Variants in TG observed in about 807,000 individuals in gnomAD.
TG encodes the protein thyroglobulin.
TG carries 270 observed loss-of-function variants against 324.7 expected under a neutral mutation model. The observed-to-expected ratio is 0.83, with a 90% CI of 0.75 to 0.92. The LOEUF is 0.92. Among genes scored for constraint, TG ranks in the 40% least tolerant of loss-of-function variants. The probability of loss-of-function intolerance (pLI) is 0.00; values close to 1 mark genes in which losing one functional copy is unlikely to be tolerated. For synonymous variants in TG, 1,401 were observed against 1,327.0 expected (o/e 1.06, Z -1.21); for missense variants, 3,591 against 3,456.4 (o/e 1.04, Z -0.98).
Position 133,021,987 on chromosome 8 carries a change from A to G in TG, c.6877-4A>G. 1.2e-6 allele frequency: 2 copies of G among 1,614,050 alleles called. No homozygotes were observed. Among genetic ancestry groups the G allele is most frequent in the East Asian group, 2.2e-5 (1 of 44,868 alleles). On this transcript the variant is annotated splice_region_variant and splice_polypyrimidine_tract_variant and intron_variant, in intron 39 of 47. Coordinates refer to ENST00000220616, the MANE Select transcript of TG (RefSeq NM_003235.5). Reference sequence around the variant, plus strand: ...TTAGCCTCATGTTTCTCCAATACCCACAGGCCCCTAACGCGTCTGTGCTGG... The same window carrying G: ...TTAGCCTCATGTTTCTCCAATACCCGCAGGCCCCTAACGCGTCTGTGCTGG...
At chr8:133,045,179 C>A (rs1039289156) in intron 41 of TG, 1 of 1,582,654 alleles carries the variant, frequency 6.3e-7, no homozygotes, top group Non-Finnish European at 8.6e-7. Context: ...ACCCAGCTAA[C>A]CAGCCCACCA....
chr8:133,094,653 A>G (rs1028380586), intron 41 of TG: 1 of 323,006 alleles, frequency 3.1e-6, no homozygotes, highest in Non-Finnish European at 6.1e-6. Flanking sequence ...GGAGCCCCCC[A>G]GGAGGTGCTG....
chr8:133,078,323 G>A lies in TG; in HGVS notation c.7240-16721G>A, dbSNP rs544294716. Among the ~76,000 whole-genome samples, 17 of 152,298 alleles carry A rather than the reference G, an allele frequency of 1.1e-4. 1 individual carries two copies. The South Asian group carries it at 2.9e-3, about 26-fold the overall frequency. On this transcript the variant is annotated intron_variant, in intron 41 of 47. Transcript: ENST00000220616. ...ACTGGGGTGGGAGCATGTGAGCCAC[G>A]AGCTGCCTAAGGACAGGAGAGGAAG...
intron 41 of TG, chr8:133,038,186 T>C (rs1837430217): frequency 6.0e-6 from 2 of 331,976 alleles, no homozygotes; most frequent in African/African-American, 2.2e-5. Context: ...GTCCAGTTCC[T>C]TGGAGAGCAG....
Position 133,113,437 on chromosome 8 carries a change from C to A in TG, c.7588C>A (p.Arg2530=). Residue 2530 remains arginine, a synonymous_variant, in exon 44 of 48, where the codon CGA becomes AGA. Transcript: ENST00000220616. ...TTTTTTCTAGCAATTTGAGGAAAGT[C>A]GAGGCCGGACCAGTAGCAAAACAGC... ...AKAVKQFEES[R]GRTSSKTAFY... The A allele has an allele frequency of 6.2e-7, 1 of 1,613,646 alleles. No homozygotes were observed. The highest frequency in any genetic ancestry group is 8.5e-7 in the Non-Finnish European group (1 of 1,179,958).
intron 20 of TG, 28 bp from the exon 21 acceptor site, chr8:132,919,348 T>C (rs1186152343): frequency 6.2e-7 from 1 of 1,611,268 alleles, no homozygotes; most frequent in South Asian, 1.1e-5. Flanking sequence ...GTCTTGATTT[T>C]TAACATCATT....
At chr8:132,991,271 C>A (rs1453269084) in intron 35 of TG, among the ~76,000 whole-genome samples, 1 of 152,078 alleles carries the variant, frequency 6.6e-6, no homozygotes. Flanking sequence ...TGGCTTTGCA[C>A]TCTAATAATC....
At chr8:132,960,984 A>C in intron 27 of TG, 24 bp from the exon 28 acceptor site, 1 of 1,613,016 alleles carries the variant, frequency 6.2e-7, no homozygotes, top group Non-Finnish European at 8.5e-7. Context: ...TCAAGCTCAT[A>C]AAAATAAACA....
At chr8:133,124,400 C>T (rs758927021) in intron 45 of TG, among the ~76,000 whole-genome samples, 11 of 152,194 alleles carry the variant, frequency 7.2e-5, no homozygotes, top group Non-Finnish European at 1.3e-4. Flanking sequence ...CATCTACTCA[C>T]GCCCCATAGA....
chr8:132,969,910 CAAAAAA>C (rs11335158), intron 32 of TG, among the ~76,000 whole-genome samples: 3 of 58,074 alleles, frequency 5.2e-5, no homozygotes, highest in African/African-American at 2.1e-4. Context: ...GAGACTCTGT[CAAAAAA>C]AAAAAAAAAA....
chr8:133,120,665 C>A (rs926917894), intron 45 of TG, among the ~76,000 whole-genome samples: 1 of 152,208 alleles, frequency 6.6e-6, no homozygotes, highest in Non-Finnish European at 1.5e-5. Flanking sequence ...GTCCCCATCA[C>A]CCATATTGGT....
chr8:132,875,123 C>A (rs574495532), intron 5 of TG, among the ~76,000 whole-genome samples: 1 of 152,306 alleles, frequency 6.6e-6, no homozygotes, highest in South Asian at 2.1e-4. Flanking sequence ...GATGAGGCCT[C>A]ATCTATGAAA....
In TG at chr8:133,000,077, T is replaced by C. The variant is rs1833304158; in HGVS notation, c.6263-11824T>C. Among the ~76,000 whole-genome samples, 3 of 152,242 alleles carry C rather than the reference T, an allele frequency of 2.0e-5. No individual in the cohort carries two copies. The South Asian group carries it at 6.2e-4, about 32-fold the overall frequency. ...ACAAGTGACAGCAAGGATGCCATCA[T>C]GCATTCAACAATGCAGACAGTGGTG... On this transcript the variant is annotated intron_variant, in intron 35 of 47. Transcript: ENST00000220616.
intron 25 of TG, among the ~76,000 whole-genome samples, chr8:132,938,817 C>A (rs1183453658): frequency 6.6e-6 from 1 of 152,088 alleles, no homozygotes; most frequent in Non-Finnish European, 1.5e-5. Context: ...CTTTGGGAGG[C>A]CGAGGCAGGC....
intron 20 of TG, among the ~76,000 whole-genome samples, chr8:132,918,880 G>A (rs551046132): frequency 3.3e-5 from 5 of 152,212 alleles, no homozygotes; most frequent in Non-Finnish European, 5.9e-5. Context: ...ATGCATGGAC[G>A]TCTGAGGCTC....
In TG at chr8:132,972,553, C is replaced by T. The variant is rs761413480; in HGVS notation, c.6056-45C>T. ...ATTTATTAGACTCTTCCATTGTACT[C>T]AGTTTCCTGATTGTGGTTTTTTGTT... On this transcript the variant is annotated intron_variant, in intron 33 of 47. Transcript: ENST00000220616. 1.5e-5 allele frequency: 24 copies of T among 1,598,614 alleles called. No individual in the cohort carries two copies. The Middle Eastern group carries it at 5.1e-4, about 34-fold the overall frequency.
At chr8:133,019,774 A>G (rs1835391659) in intron 39 of TG, 79 bp downstream of exon 39, 1 of 1,252,766 alleles carries the variant, frequency 8.0e-7, no homozygotes, top group Non-Finnish European at 1.2e-6. Flanking sequence ...TGGCCAGCAC[A>G]GTTCAGTCTC....
chr8:133,024,877 G>A (rs759064285), intron 40 of TG, among the ~76,000 whole-genome samples: 3 of 151,268 alleles, frequency 2.0e-5, no homozygotes, highest in Non-Finnish European at 4.4e-5. Flanking sequence ...ACATAAGTGT[G>A]CATGTGTCTT....
At chr8:132,936,132 A>G (rs1823549857) in intron 25 of TG, among the ~76,000 whole-genome samples, 1 of 152,234 alleles carries the variant, frequency 6.6e-6, no homozygotes, top group South Asian at 2.1e-4. Flanking sequence ...CAATCTAGCA[A>G]GGATTGAGAG....
Sources: gnomAD v4.1 joint callset for allele counts (sites outside exome capture counted in the v4.1 genomes callset) on GRCh38, gnomAD v4.1.1 for gene constraint, MANE v1.5 for transcripts, NCBI Gene and HGNC (gene_info 2026-07-23, HGNC 2026-07-21) for gene names.